STAG1: variants seen among roughly 807,000 people sequenced by gnomAD.
STAG1 encodes the protein cohesin subunit SA-1.
Under a neutral mutation model 170.9 loss-of-function variants are expected in STAG1, and 26 were observed. The observed-to-expected ratio is 0.15, with a 90% confidence interval of 0.11 to 0.21. The LOEUF is 0.21. Ranked by LOEUF, STAG1 falls within the 10% of genes least tolerant of loss-of-function variation. The pLI is 1.00. For synonymous variants in STAG1, 514 were observed against 497.7 expected (o/e 1.03, Z -0.44); for missense variants, 964 against 1,509.5 (o/e 0.64, Z 5.99).
At chr3:136,730,515 T>C (rs138565965) in intron 1 of STAG1, among the ~76,000 whole-genome samples, 91 of 152,340 alleles carry the variant, frequency 6.0e-4, no homozygotes, top group Non-Finnish European at 1.2e-3. Flanking sequence ...AACTGCTGTG[T>C]TGTTTAATTA....
chr3:136,446,093 C>A (rs1258361151), intron 14 of STAG1, among the ~76,000 whole-genome samples: 1 of 152,032 alleles, frequency 6.6e-6, no homozygotes, highest in Non-Finnish European at 1.5e-5. Context: ...GTTTTATTTT[C>A]TAGCATTTAT....
chr3:136,447,282 G>A (rs911935057), intron 14 of STAG1, among the ~76,000 whole-genome samples: 2 of 151,660 alleles, frequency 1.3e-5, no homozygotes, highest in Non-Finnish European at 2.9e-5. Flanking sequence ...AGACCATCTG[G>A]CCAACATGGT....
chr3:136,516,308 A>G (rs185801079), intron 7 of STAG1, among the ~76,000 whole-genome samples: 1 of 152,142 alleles, frequency 6.6e-6, no homozygotes, highest in East Asian at 1.9e-4. Flanking sequence ...CAGGAGTTCA[A>G]GGCCATGGGC....
intron 5 of STAG1, among the ~76,000 whole-genome samples, chr3:136,554,625 T>C (rs1456896835): frequency 2.0e-5 from 3 of 152,202 alleles, no homozygotes; most frequent in South Asian, 2.1e-4. Context: ...ACAGGCACAG[T>C]GGCTCATGCC....
chr3:136,495,192 G>A (rs537559513), intron 9 of STAG1, among the ~76,000 whole-genome samples: 1 of 152,292 alleles, frequency 6.6e-6, no homozygotes, highest in Non-Finnish European at 1.5e-5. Flanking sequence ...TTCAATTGGG[G>A]AAAGATACTT....
At chr3:136,504,091 TG>T (rs1475653438) in intron 7 of STAG1, among the ~76,000 whole-genome samples, 1 of 152,190 alleles carries the variant, frequency 6.6e-6, no homozygotes, top group East Asian at 1.9e-4. Context: ...ACATATAGTA[TG>T]TATGTATGCT....
chr3:136,387,834 TTC>T (rs2086911170), intron 22 of STAG1, among the ~76,000 whole-genome samples: 1 of 152,194 alleles, frequency 6.6e-6, no homozygotes, highest in Non-Finnish European at 1.5e-5. Context: ...CCAAAACATC[TTC>T]TGATTTCTTT....
In STAG1 at chr3:136,428,276, CT is replaced by C. The variant is rs200107272; in HGVS notation, c.1651-5233del. On this transcript the variant is annotated intron_variant, in intron 16 of 33. Transcript: ENST00000383202. ...GAAAAGATAAACATCAGCTGCCTGT[CT>C]TTTTTTGCCAGTAATGTCTAACAAG... Among the ~76,000 whole-genome samples, 1,137 of 152,248 alleles carry C rather than the reference CT, an allele frequency of 7.5e-3. 17 individuals are homozygous for C. The highest frequency in any genetic ancestry group is 0.026 in the African/African-American group (1,085 of 41,548).
intron 1 of STAG1, among the ~76,000 whole-genome samples, chr3:136,640,406 T>C (rs1046960248): frequency 6.6e-6 from 1 of 151,458 alleles, no homozygotes; most frequent in African/African-American, 2.4e-5. Flanking sequence ...TCTCGCTCTG[T>C]CGCCCAGGCT....
chr3:136,490,207 T>C (rs113253740), intron 9 of STAG1, among the ~76,000 whole-genome samples: 7 of 152,158 alleles, frequency 4.6e-5, no homozygotes, highest in African/African-American at 1.4e-4. Context: ...CACCCCTTTT[T>C]TTTTTGTATT....
At chr3:136,735,045 T>C (rs1304563784) in intron 1 of STAG1, among the ~76,000 whole-genome samples, 1 of 152,078 alleles carries the variant, frequency 6.6e-6, no homozygotes, top group Non-Finnish European at 1.5e-5. Context: ...TATTGCACTC[T>C]CCAATTCCAG....
At chr3:136,404,009 A>AC (rs1369411179) in intron 21 of STAG1, among the ~76,000 whole-genome samples, 1 of 152,198 alleles carries the variant, frequency 6.6e-6, no homozygotes, top group Non-Finnish European at 1.5e-5. Flanking sequence ...CTTATCAGAC[A>AC]CCATTTAGAA....
At chr3:136,577,286 T>A (rs1348645304) in intron 4 of STAG1, among the ~76,000 whole-genome samples, 1 of 152,174 alleles carries the variant, frequency 6.6e-6, no homozygotes, top group Non-Finnish European at 1.5e-5. Flanking sequence ...AATGTCTCAT[T>A]TCTTATAGGT....
At chr3:136,738,283 G>GA (rs1934460733) in intron 1 of STAG1, among the ~76,000 whole-genome samples, 1 of 151,748 alleles carries the variant, frequency 6.6e-6, no homozygotes, top group African/African-American at 2.4e-5. Flanking sequence ...CTGAGGTCGG[G>GA]AGTTCGAGAC....
chr3:136,531,184 G>T (rs931557692), intron 6 of STAG1, among the ~76,000 whole-genome samples: 1 of 151,410 alleles, frequency 6.6e-6, no homozygotes. Context: ...GGCCATCAGA[G>T]AAATGCAAAT....
Position 136,356,095 on chromosome 3 carries a change from G to A in STAG1, c.3065+1625C>T, listed in dbSNP as rs1298036151. 2.9e-5 allele frequency among the ~76,000 whole-genome samples: 4 copies of A among 140,140 alleles called. No homozygotes were observed. In the East Asian group the frequency reaches 8.2e-4, roughly 29 times the overall value. The allele number at this position is 140,140 out of a possible 152,430, so 91.9% of individuals were successfully genotyped here. A position where few individuals can be genotyped will look rare whatever the true frequency, so the allele number is the denominator to read the frequency against. ...TTTTTAGAGACAGTCTCACTGTCTT[G>A]CCCAGGCTGCTCTCAGACTCTTGCC... On this transcript the variant is annotated intron_variant, in intron 28 of 33. Transcript: ENST00000383202.
chr3:136,581,974 T>A (rs1937599855), intron 4 of STAG1, among the ~76,000 whole-genome samples: 1 of 152,166 alleles, frequency 6.6e-6, no homozygotes, highest in Admixed American at 6.5e-5. Flanking sequence ...CTTTTAAAGT[T>A]TTCTTCTAAA....
rs1452493733 is a variant in STAG1, at chr3:136,338,379, T to A, written c.3744A>T (p.Glu1248Asp). 1.2e-6 allele frequency: 2 copies of A among 1,612,840 alleles called. No homozygotes were observed. Among genetic ancestry groups the A allele is most frequent in the Non-Finnish European group, 1.7e-6 (2 of 1,178,954 alleles). The change falls in exon 33 of 34, where the codon GAA becomes GAT. Residue 1248 changes from glutamate (E) to aspartate (D), a missense_variant. This residue lies in a region of STAG1 where 59 missense variants were observed against 104.2 expected (regional missense o/e 0.57). Transcript: ENST00000383202. ...PDFFDSAAII[E>D]DDSGFGMPMF ...ATAATTTGACATTTACTGAATCATCTTCTATGATAGCTGCAGAGTCAAAGA... is the reference window on the plus strand; with the variant it reads ...ATAATTTGACATTTACTGAATCATCATCTATGATAGCTGCAGAGTCAAAGA...
chr3:136,702,012 A>G (rs1316343592), intron 1 of STAG1, among the ~76,000 whole-genome samples: 3 of 150,526 alleles, frequency 2.0e-5, no homozygotes, highest in Non-Finnish European at 4.4e-5. Flanking sequence ...TCCCAAGCTC[A>G]AGTGATCCTC....
Sources: allele counts gnomAD v4.1 joint callset (sites outside exome capture counted in the v4.1 genomes callset), GRCh38; gene constraint gnomAD v4.1.1; regional missense constraint gnomAD v4.1.1; transcripts MANE v1.5; gene names NCBI Gene and HGNC (gene_info 2026-07-23, HGNC 2026-07-21).